Variants in RPL28 observed in about 807,000 individuals in gnomAD.
The protein encoded by RPL28 is large ribosomal subunit protein eL28.
A neutral mutation model predicts 12.5 loss-of-function variants in RPL28; 4 were observed. The ratio of observed to expected loss-of-function variants is 0.32; its 90% CI spans 0.16 to 0.73. The LOEUF is 0.73. RPL28 is among the 30% of genes least tolerant of loss of function. The pLI is 0.66. For missense variants in RPL28, 214 were observed against 197.7 expected (o/e 1.08, Z -0.49); for synonymous variants, 91 against 72.5 (o/e 1.26, Z -1.30).
chr19:55,402,487 TCCAGCAGCC>T (rs1489060496), intron 4 of RPL28, among the ~76,000 whole-genome samples: 4 of 152,142 alleles, frequency 2.6e-5, no homozygotes, highest in Admixed American at 1.3e-4. Flanking sequence ...CAGCCAGGCC[TCCAGCAGCC>T]CCAGCTGGAT....
downstream of RPL28, among the ~76,000 whole-genome samples, chr19:55,395,146 A>AT (rs888152922): frequency 6.6e-6 from 1 of 151,240 alleles, no homozygotes. Flanking sequence ...TTATTTATTT[A>AT]TTTTTTTGAG....
downstream of RPL28, among the ~76,000 whole-genome samples, chr19:55,393,152 C>T (rs934105785): frequency 5.9e-5 from 9 of 151,516 alleles, no homozygotes; most frequent in African/African-American, 1.9e-4. Flanking sequence ...CCCGCCCGCT[C>T]CCCTGCTGTC....
chr19:55,394,492 C>G (rs2090010269), downstream of RPL28, among the ~76,000 whole-genome samples: 3 of 152,186 alleles, frequency 2.0e-5, no homozygotes, highest in Admixed American at 1.3e-4. Flanking sequence ...AATTCCTGAC[C>G]TCAAGTGATC....
chr19:55,388,305 G>T lies in RPL28; in HGVS notation c.387G>T (p.Lys129Asn), dbSNP rs2089956194. 1 of 1,577,962 alleles carries T rather than the reference G, an allele frequency of 6.3e-7. No individual in the cohort carries two copies. Among genetic ancestry groups the T allele is most frequent in the South Asian group, 1.1e-5 (1 of 87,152 alleles). ...RSQKPVMVKRKRTRPTKSS is the reference protein window; with the variant it reads ...RSQKPVMVKRNRTRPTKSS Reference sequence around the variant, plus strand: ...AGAAGCCTGTGATGGTGAAGAGGAAGCGGACCCGCCCCACCAAGAGCTCCT... The same window carrying T: ...AGAAGCCTGTGATGGTGAAGAGGAATCGGACCCGCCCCACCAAGAGCTCCT... The change falls in exon 5 of 5, where the codon AAG becomes AAT. Residue 129 changes from lysine to asparagine, a missense_variant. By Grantham distance (94) the Lys-to-Asn change is moderately conservative. Coordinates refer to ENST00000344063, the MANE Select transcript of RPL28 (RefSeq NM_000991.5).
At position 55,390,012 on chromosome 19, in the gene RPL28, C is replaced by CCT; in HGVS notation, c.*1684_*1685dup. 3.0e-6 allele frequency: 3 copies of CCT among 985,500 alleles called. No individual in the cohort carries two copies. The South Asian group carries it at 1.4e-4, about 46-fold the overall frequency. 61.0% of individuals were successfully genotyped at this position (985,500 alleles called of 1,614,324 possible). ...TAGTAGATGGCCCCTTCTCGTGAGG[C>CCT]CTCTCCCCTGGCACCTGCTTCAGTT... On this transcript the variant is annotated 3_prime_UTR_variant, in exon 5 of 5. Transcript: ENST00000344063.
chr19:55,387,866 G>T, intron 3 of RPL28, 64 bp from the exon 4 acceptor site: 1 of 1,506,754 alleles, frequency 6.6e-7, no homozygotes, highest in Non-Finnish European at 8.9e-7. Context: ...GTCCACACCT[G>T]CGAGGTGTGC....
At chr19:55,392,530 G>A (rs2089997823), downstream of RPL28, among the ~76,000 whole-genome samples, 1 of 149,468 alleles carries the variant, frequency 6.7e-6, no homozygotes, top group African/African-American at 2.5e-5. Flanking sequence ...ACTGCACCCA[G>A]CCTCATCTTT....
downstream of RPL28, among the ~76,000 whole-genome samples, chr19:55,395,199 C>T (rs534198240): frequency 6.6e-6 from 1 of 151,954 alleles, no homozygotes; most frequent in Non-Finnish European, 1.5e-5. Flanking sequence ...TACAGTGGTG[C>T]GATCTCGGCT....
In RPL28 at chr19:55,386,356, C is replaced by T; in HGVS notation, c.-2C>T. On this transcript the variant is annotated 5_prime_UTR_variant, in exon 2 of 5. Transcript: ENST00000344063. ...TGTGCCCGTTTCCCCGCAGCCGCCG[C>T]CATGTCTGCGCATCTGCAATGGATG... is the stretch of plus-strand genomic sequence containing the variant. 6.2e-7 allele frequency: 1 copy of T among 1,613,904 alleles called. No individual in the cohort carries two copies. The highest frequency in any genetic ancestry group is 8.5e-7 in the Non-Finnish European group (1 of 1,179,954).
At chr19:55,387,829 C>G (rs931859780) in intron 3 of RPL28, 101 bp from the exon 4 acceptor site, 5 of 1,482,504 alleles carry the variant, frequency 3.4e-6, no homozygotes, top group Non-Finnish European at 3.6e-6. Context: ...CACGGGCCCA[C>G]GCTGCTCAGC....
At chr19:55,388,200 T>A (rs769690643) in intron 4 of RPL28, 43 bp from the exon 5 acceptor site, 12 of 1,509,780 alleles carry the variant, frequency 7.9e-6, no homozygotes, top group Non-Finnish European at 1.1e-5. Context: ...GGGCGGCTTG[T>A]GGAGTGTATG....
chr19:55,401,780 G>GGGT (rs763989694), intron 4 of RPL28: 2 of 1,612,642 alleles, frequency 1.2e-6, no homozygotes, highest in South Asian at 2.2e-5. Flanking sequence ...AAGAGGCTCA[G>GGGT]GGTCACAGTG....
At position 55,397,769 on chromosome 19, in the gene RPL28, TGAGGTGG is replaced by T. The variant is rs138569031; in HGVS notation, c.325-5141_325-5135del. 5.7e-4 allele frequency among the ~76,000 whole-genome samples: 73 copies of T among 128,742 alleles called. 1 individual carries two copies. The highest frequency in any genetic ancestry group is 3.7e-3 in the Middle Eastern group (1 of 268). The allele number at this position is 128,742 out of a possible 152,430, so 84.5% of individuals were successfully genotyped here. On this transcript the variant is annotated intron_variant, in intron 4 of 4. Transcript: ENST00000560055. Reference sequence around the variant, plus strand: ...TTATAGTCCCAGCTACTAGGGAGGCTGAGGTGGGAGGTGGGAGGTGGGAGGTGGGAGG... The same window carrying T: ...TTATAGTCCCAGCTACTAGGGAGGCTGAGGTGGGAGGTGGGAGGTGGGAGG...
At position 55,391,528 on chromosome 19, in the gene RPL28, G is replaced by A. The variant is rs1028970694; in HGVS notation, c.*3196G>A. Reference sequence around the variant, plus strand: ...AGACTCCCCACAGCAGCAGAGACTCGGGACTGAGGCATCCTCTGTTCACAG... The same window carrying A: ...AGACTCCCCACAGCAGCAGAGACTCAGGACTGAGGCATCCTCTGTTCACAG... On this transcript the variant is annotated 3_prime_UTR_variant, in exon 5 of 5. Coordinates refer to ENST00000344063, the MANE Select transcript of RPL28 (RefSeq NM_000991.5). 4 of 1,488,100 alleles carry A rather than the reference G, an allele frequency of 2.7e-6. No homozygotes were observed. The highest frequency in any genetic ancestry group is 2.5e-5 in the East Asian group (1 of 39,668). 92.2% of individuals were successfully genotyped at this position (1,488,100 alleles called of 1,614,324 possible). A position where few individuals can be genotyped will look rare whatever the true frequency, so the allele number is the denominator to read the frequency against.
downstream of RPL28, among the ~76,000 whole-genome samples, chr19:55,396,810 G>A (rs924427826): frequency 4.6e-5 from 7 of 151,086 alleles, no homozygotes; most frequent in Middle Eastern, 0.01. Flanking sequence ...TCGATCTCCT[G>A]ACCTTGTGAT....
chr19:55,395,146 A>G (rs78633024), downstream of RPL28, among the ~76,000 whole-genome samples: 1 of 151,240 alleles, frequency 6.6e-6, no homozygotes, highest in African/African-American at 2.4e-5. Flanking sequence ...TTATTTATTT[A>G]TTTTTTTGAG....
At chr19:55,388,205 T>C (rs1401697504) in intron 4 of RPL28, 38 bp from the exon 5 acceptor site, 3 of 1,513,026 alleles carry the variant, frequency 2.0e-6, no homozygotes, top group African/African-American at 1.4e-5. Flanking sequence ...GCTTGTGGAG[T>C]GTATGGGCTG....
Position 55,387,859 on chromosome 19 carries a change from C to T in RPL28, c.206-71C>T, listed in dbSNP as rs1340603823. The T allele has an allele frequency of 4.0e-6, 6 of 1,502,492 alleles. No homozygotes were observed. In the East Asian group the frequency reaches 1.2e-4, roughly 29 times the overall value. 93.1% of individuals were successfully genotyped at this position (1,502,492 alleles called of 1,614,324 possible). Reference sequence around the variant, plus strand: ...CTCAGCTTCTCAATGTGAGACTGTCCACACCTGCGAGGTGTGCTAAAGGTG... The same window carrying T: ...CTCAGCTTCTCAATGTGAGACTGTCTACACCTGCGAGGTGTGCTAAAGGTG... On this transcript the variant is annotated intron_variant, in intron 3 of 4. Transcript: ENST00000344063.
Position 55,391,448 on chromosome 19 carries a change from GGGCGCAC to G in RPL28, c.*3117_*3123del. ...AGTAGCTGCATGGTGAGTGAGCGTA[GGGCGCAC>G]CCTGGAAGGCTGCCAAGCCCAAAGT... On this transcript the variant is annotated 3_prime_UTR_variant, in exon 5 of 5. Coordinates refer to ENST00000344063, the MANE Select transcript of RPL28 (RefSeq NM_000991.5). The G allele has an allele frequency of 1.5e-6, 2 of 1,351,456 alleles. No homozygotes were observed. The highest frequency in any genetic ancestry group is 1.9e-6 in the Non-Finnish European group (2 of 1,043,958). 83.7% of individuals were successfully genotyped at this position (1,351,456 alleles called of 1,614,324 possible).
Sources: gnomAD v4.1 joint callset for allele counts (sites outside exome capture counted in the v4.1 genomes callset) on GRCh38, gnomAD v4.1.1 for gene constraint, MANE v1.5 for transcripts, NCBI Gene and HGNC (gene_info 2026-07-23, HGNC 2026-07-21) for gene names.